ANKS1B: variants seen among roughly 807,000 people sequenced by gnomAD.
ANKS1B encodes ankyrin repeat and sterile alpha motif domain containing 1B.
ANKS1B carries 36 observed loss-of-function variants against 148.3 expected under a neutral mutation model. The observed-to-expected ratio is 0.24, with a 90% CI of 0.19 to 0.32. ANKS1B has a LOEUF of 0.32. Ranked by LOEUF, ANKS1B falls within the 10% of genes least tolerant of loss-of-function variation. The probability of loss-of-function intolerance (pLI) is 1.00; values close to 1 mark genes in which losing one functional copy is unlikely to be tolerated. For synonymous variants in ANKS1B, 542 were observed against 560.8 expected (o/e 0.97, Z 0.47); for missense variants, 1,157 against 1,542.6 (o/e 0.75, Z 4.19).
At chr12:99,937,060 T>C (rs1472648910) in intron 1 of ANKS1B, among the ~76,000 whole-genome samples, 1 of 152,176 alleles carries the variant, frequency 6.6e-6, no homozygotes, top group Non-Finnish European at 1.5e-5. Context: ...GTCAGCTTTG[T>C]TGAACCTGTT....
In ANKS1B at chr12:99,101,853, C is replaced by T. The variant is rs572894785; in HGVS notation, c.2527-16830G>A. Among the ~76,000 whole-genome samples the T allele has an allele frequency of 1.6e-3, 251 of 152,248 alleles. 1 individual carries two copies. The highest frequency in any genetic ancestry group is 5.3e-3 in the African/African-American group (221 of 41,552). ...CTGGGATTACAGGTATGAGCCCCTG[C>T]GCTCAGCCTTGAGGGGCTGTGTTCT... is the stretch of plus-strand genomic sequence containing the variant. On this transcript the variant is annotated intron_variant, in intron 15 of 26. Coordinates refer to ENST00000683438, the MANE Select transcript of ANKS1B (RefSeq NM_001352186.2).
At chr12:99,140,264 G>T (rs1325527733) in intron 15 of ANKS1B, among the ~76,000 whole-genome samples, 1 of 152,172 alleles carries the variant, frequency 6.6e-6, no homozygotes, top group Non-Finnish European at 1.5e-5. Flanking sequence ...GAGTGTCCAT[G>T]TAGTCAACTA....
At chr12:98,763,884 T>C (rs2098445872) in intron 25 of ANKS1B, among the ~76,000 whole-genome samples, 2 of 152,232 alleles carry the variant, frequency 1.3e-5, no homozygotes, top group Non-Finnish European at 1.5e-5. Context: ...TTTAACTTTA[T>C]GCCTCACCCC....
chr12:99,725,938 T>G (rs1221467754), intron 8 of ANKS1B, among the ~76,000 whole-genome samples: 1 of 152,150 alleles, frequency 6.6e-6, no homozygotes, highest in Non-Finnish European at 1.5e-5. Context: ...TCAAGTTATT[T>G]GAAACCAATA....
intron 8 of ANKS1B, among the ~76,000 whole-genome samples, chr12:99,720,913 T>C (rs1260165220): frequency 6.6e-6 from 1 of 152,236 alleles, no homozygotes; most frequent in African/African-American, 2.4e-5. Flanking sequence ...ACTGCCACTC[T>C]TAACTCTTAA....
chr12:99,195,883 C>G (rs754659446), intron 14 of ANKS1B, among the ~76,000 whole-genome samples: 3 of 151,654 alleles, frequency 2.0e-5, no homozygotes, highest in Admixed American at 6.6e-5. Flanking sequence ...AAATTTAAGG[C>G]GCAAGAAAAT....
At chr12:99,924,050 C>G (rs954002386) in intron 1 of ANKS1B, among the ~76,000 whole-genome samples, 3 of 151,972 alleles carry the variant, frequency 2.0e-5, no homozygotes, top group Admixed American at 6.6e-5. Flanking sequence ...AATTTTATAC[C>G]TGTGGCAAGT....
chr12:98,874,148 A>G (rs61933630), intron 17 of ANKS1B, among the ~76,000 whole-genome samples: 6,422 of 152,320 alleles, frequency 0.042, 185 homozygotes, highest in Non-Finnish European at 0.059. Context: ...AGGTACCACA[A>G]AATGAGGCAA....
intron 14 of ANKS1B, among the ~76,000 whole-genome samples, chr12:99,240,798 C>T (rs1265765006): frequency 1.3e-5 from 2 of 152,188 alleles, no homozygotes; most frequent in East Asian, 3.8e-4. Flanking sequence ...TGAGTGACTA[C>T]TGGGTAAATA....
chr12:98,848,756 T>TTTTTTTTTTTTTTTTTTTTAA (rs1567129301), intron 17 of ANKS1B, among the ~76,000 whole-genome samples: 1 of 140,598 alleles, frequency 7.1e-6, no homozygotes, highest in African/African-American at 2.7e-5. Context: ...TTTTTTTTTT[T>TTTTTTTTTTTTTTTTTTTTAA]GAGACGGAGT....
chr12:98,931,090 A>C (rs7301791), intron 17 of ANKS1B, among the ~76,000 whole-genome samples: 11,307 of 152,194 alleles, frequency 0.074, 439 homozygotes, highest in African/African-American at 0.095. Flanking sequence ...GAGGATAATC[A>C]GAGTTGTTAG....
chr12:99,341,915 C>T (rs999868348), intron 12 of ANKS1B, among the ~76,000 whole-genome samples: 1 of 152,140 alleles, frequency 6.6e-6, no homozygotes, highest in Non-Finnish European at 1.5e-5. Flanking sequence ...CATTACATGA[C>T]TTCTCCTTAG....
At chr12:99,420,857 A>G (rs1299196541) in intron 11 of ANKS1B, among the ~76,000 whole-genome samples, 1 of 152,208 alleles carries the variant, frequency 6.6e-6, no homozygotes, top group East Asian at 1.9e-4. Context: ...CTTCATATCA[A>G]TGAAAAAATT....
At chr12:99,479,078 T>C (rs1218864362) in intron 10 of ANKS1B, among the ~76,000 whole-genome samples, 1 of 151,846 alleles carries the variant, frequency 6.6e-6, no homozygotes, top group Admixed American at 6.6e-5. Flanking sequence ...TTTTAGCACA[T>C]GTCAATTCAG....
At chr12:99,710,721 A>T (rs1019318279) in intron 8 of ANKS1B, among the ~76,000 whole-genome samples, 2 of 152,104 alleles carry the variant, frequency 1.3e-5, no homozygotes, top group Non-Finnish European at 2.9e-5. Context: ...AATGAAAGTA[A>T]GAATTGCTTC....
At chr12:99,144,259 G>T (rs921419805) in intron 15 of ANKS1B, among the ~76,000 whole-genome samples, 6 of 152,010 alleles carry the variant, frequency 3.9e-5, no homozygotes, top group African/African-American at 1.4e-4. Flanking sequence ...GATTTATTTA[G>T]GTACTGGAAG....
chr12:98,804,794 G>A (rs2099037186), intron 20 of ANKS1B, among the ~76,000 whole-genome samples: 1 of 152,196 alleles, frequency 6.6e-6, no homozygotes, highest in Admixed American at 6.5e-5. Flanking sequence ...TTGAAGCCTA[G>A]TGTTAGGTCT....
chr12:99,153,489 G>T (rs1055479540), intron 15 of ANKS1B, among the ~76,000 whole-genome samples: 2 of 152,104 alleles, frequency 1.3e-5, no homozygotes, highest in South Asian at 4.2e-4. Context: ...TGAGCACTGG[G>T]GGAGGTATGG....
chr12:99,840,402 T>A (rs1006914591), intron 1 of ANKS1B, among the ~76,000 whole-genome samples: 4 of 152,054 alleles, frequency 2.6e-5, no homozygotes, highest in African/African-American at 9.7e-5. Context: ...TGGAAAGCCA[T>A]CGGAGAGTTT....
Sources: gnomAD v4.1 joint callset for allele counts (sites outside exome capture counted in the v4.1 genomes callset) on GRCh38, gnomAD v4.1.1 for gene constraint, MANE v1.5 for transcripts, NCBI Gene and HGNC (gene_info 2026-07-23, HGNC 2026-07-21) for gene names.